FANCA: variants seen among roughly 807,000 people sequenced by gnomAD.
The protein encoded by FANCA is Fanconi anemia group A protein.
Under a neutral mutation model 194.3 loss-of-function variants are expected in FANCA, and 236 were observed. That is an observed-to-expected ratio of 1.21 (90% confidence interval 1.09 to 1.35). FANCA has a LOEUF of 1.35. Ranked by LOEUF, FANCA falls within the 40% of genes most tolerant of loss-of-function variation. The probability of loss-of-function intolerance (pLI) is 0.00; values close to 1 mark genes in which losing one functional copy is unlikely to be tolerated. For synonymous variants in FANCA, 1,014 were observed against 715.8 expected, an observed-to-expected ratio of 1.42 and a Z score of -6.65; for missense variants, 2,628 against 1,813.9, an observed-to-expected ratio of 1.45 and a Z score of -8.15.
intron 3 of FANCA, among the ~76,000 whole-genome samples, chr16:89,813,644 G>A (rs1473287827): frequency 6.6e-6 from 1 of 152,240 alleles, no homozygotes; most frequent in South Asian, 2.1e-4. Context: ...ATGTTGGCCA[G>A]GCTCGTCTCG....
chr16:89,795,143 G>A lies in FANCA; in HGVS notation c.1006+763C>T, dbSNP rs563834541. 6.6e-5 allele frequency among the ~76,000 whole-genome samples: 10 copies of A among 151,426 alleles called. 1 individual carries two copies. The highest frequency in any genetic ancestry group is 6.6e-4 in the Admixed American group (10 of 15,158). On this transcript the variant is annotated intron_variant, in intron 11 of 42. Transcript: ENST00000389301. ...CTACTAAAAATACAAAAATTAGCCG[G>A]GCATGGTGGCACATGCCCGTAATCC...
At chr16:89,767,472 A>C (rs749494324) in intron 26 of FANCA, among the ~76,000 whole-genome samples, 20 of 152,070 alleles carry the variant, frequency 1.3e-4, no homozygotes, top group Non-Finnish European at 2.4e-4. Flanking sequence ...GGTTCAAGCG[A>C]GTCTCCTGCC....
In FANCA at chr16:89,765,029, C is replaced by T. The variant is rs372254398; in HGVS notation, c.2639G>A (p.Arg880Gln). The T allele has an allele frequency of 1.8e-5, 29 of 1,614,086 alleles. No homozygotes were observed. The highest frequency in any genetic ancestry group is 1.2e-4 in the Admixed American group (7 of 60,008). Residue 880 changes from arginine (R) to glutamine (Q), a missense_variant, in exon 28 of 43, where the codon CGA becomes CAA. Transcript: ENST00000389301. Reference protein sequence around the residue: ...FLMFRLFSEARQPLSEEDVAS... With the variant: ...FLMFRLFSEAQQPLSEEDVAS... ...TACGTCCTCCTCAGAAAGAGGCTGT[C>T]GGGCCTCTGAGAACAATCTGAACAT...
intron 10 of FANCA, chr16:89,798,344 C>T (rs1285930392): frequency 1.9e-6 from 2 of 1,032,724 alleles, no homozygotes. Flanking sequence ...AACTGATGCA[C>T]ATGTAAACAT....
intron 3 of FANCA, among the ~76,000 whole-genome samples, chr16:89,813,167 C>T (rs1168988606): frequency 6.6e-6 from 1 of 151,864 alleles, no homozygotes; most frequent in African/African-American, 2.4e-5. Context: ...GCAATCCCAA[C>T]ACCTTGGGTG....
intron 11 of FANCA, 35 bp from the exon 12 acceptor site, chr16:89,792,582 A>G (rs762768611): frequency 6.3e-6 from 10 of 1,594,506 alleles, no homozygotes; most frequent in Non-Finnish European, 5.1e-6. Flanking sequence ...ACTTCAAGTC[A>G]GAGATCAAAA....
rs1001002219 is a variant in FANCA at position 89,737,603 on chromosome 16, C to T, written c.*998G>A. 7.4e-6 allele frequency: 7 copies of T among 950,964 alleles called. No homozygotes were observed. Among genetic ancestry groups the T allele is most frequent in the African/African-American group, 1.7e-5 (1 of 60,206 alleles). The allele number at this position is 950,964 out of a possible 1,614,324, so 58.9% of individuals were successfully genotyped here. On this transcript the variant is annotated 3_prime_UTR_variant, in exon 43 of 43. Transcript: ENST00000389301. ...AAAAACCATCCTGAAATGCACACAGCTGATGAAGCCACGTGACAGTGTATA... is the reference window on the plus strand; with the variant it reads ...AAAAACCATCCTGAAATGCACACAGTTGATGAAGCCACGTGACAGTGTATA...
At chr16:89,791,252 C>T (rs1000896230) in intron 14 of FANCA, 151 bp downstream of exon 14, 19 of 1,023,706 alleles carry the variant, frequency 1.9e-5, no homozygotes, top group South Asian at 5.5e-5. Flanking sequence ...CCTCGGCACA[C>T]GCAGAGGAAG....
intron 11 of FANCA, among the ~76,000 whole-genome samples, chr16:89,795,479 A>C (rs868016817): frequency 2.6e-5 from 4 of 151,974 alleles, no homozygotes; most frequent in African/African-American, 9.7e-5. Flanking sequence ...TCTACTAAAA[A>C]TACAAAAAAT....
At chr16:89,762,105 C>A in intron 28 of FANCA, 83 bp from the exon 29 acceptor site, 2 of 1,074,458 alleles carry the variant, frequency 1.9e-6, no homozygotes, top group South Asian at 1.2e-5. Flanking sequence ...TTTGTCATTT[C>A]ATCTCATACG....
chr16:89,804,364 C>T (rs1015976012), intron 7 of FANCA, among the ~76,000 whole-genome samples: 2 of 152,174 alleles, frequency 1.3e-5, no homozygotes, highest in Non-Finnish European at 2.9e-5. Context: ...ATCACTCAAA[C>T]ACAGCAGGCA....
intron 22 of FANCA, 75 bp from the exon 23 acceptor site, chr16:89,771,889 G>A (rs750302993): frequency 2.9e-5 from 45 of 1,552,658 alleles, no homozygotes; most frequent in South Asian, 2.4e-4. Flanking sequence ...AGAGAGCTCC[G>A]CCTCCCGTCA....
intron 2 of FANCA, 100 bp from the exon 3 acceptor site, chr16:89,814,713 T>A (rs1411934748): frequency 2.4e-6 from 2 of 820,140 alleles, no homozygotes; most frequent in African/African-American, 3.4e-5. Context: ...GAGGCCGAGA[T>A]GGGCAGATCA....
intron 39 of FANCA, 111 bp from the exon 40 acceptor site, chr16:89,739,664 A>T: frequency 6.6e-7 from 1 of 1,507,530 alleles, no homozygotes. Flanking sequence ...GGCTGTGGGG[A>T]TAGTGTGGGG....
chr16:89,740,782 T>C (rs1598057660), intron 38 of FANCA, 22 bp downstream of exon 38: 1 of 1,611,226 alleles, frequency 6.2e-7, no homozygotes, highest in Non-Finnish European at 8.5e-7. Flanking sequence ...GAGGACACCT[T>C]GGCTGGTAAG....
chr16:89,763,282 A>G (rs1891436286), intron 28 of FANCA, among the ~76,000 whole-genome samples: 1 of 152,110 alleles, frequency 6.6e-6, no homozygotes, highest in African/African-American at 2.4e-5. Context: ...ATAATAAAAT[A>G]ATTTCACAAA....
chr16:89,770,172 A>G lies in FANCA; in HGVS notation c.2310T>C (p.Arg770=). 6.3e-7 allele frequency: 1 copy of G among 1,589,440 alleles called. No individual in the cohort carries two copies. Among genetic ancestry groups the G allele is most frequent in the South Asian group, 1.1e-5 (1 of 87,420 alleles). Residue 770 remains arginine (R), a synonymous_variant, in exon 25 of 43, where the codon CGT becomes CGC. Transcript: ENST00000389301. The stretch of plus-strand genomic sequence containing the variant: ...CCATGAAGGAGAGCCTCACCTGGTG[A>G]CGGAGCAGCTGGCAGAGCCGGGTGA... ...AVLTRLCQLL[R]HQGPSLSAPH...
At chr16:89,812,242 G>C (rs981345130) in intron 3 of FANCA, among the ~76,000 whole-genome samples, 1 of 151,880 alleles carries the variant, frequency 6.6e-6, no homozygotes, top group Non-Finnish European at 1.5e-5. Context: ...AGGAGGCTGA[G>C]GCGAAGAATG....
At position 89,803,281 on chromosome 16, in the gene FANCA, A is replaced by G. The variant is rs1187101098; in HGVS notation, c.770T>C (p.Val257Ala). ...TACCTGCGGCATTTTTTCAGGCTCC[A>G]CAGTTCTTCTCAGATCTGAGTTTTT... ...FQKNSDLRRT[V>A]EPEKMPQVTV... is the part of the protein sequence containing the mutation. Residue 257 changes from valine (V) to alanine (A), a missense_variant, in exon 8 of 43, where the codon GTG becomes GCG. By Grantham distance (64) the Val-to-Ala change is moderately conservative (BLOSUM62 0). Coordinates refer to ENST00000389301, the MANE Select transcript of FANCA (RefSeq NM_000135.4). The G allele has an allele frequency of 6.2e-7, 1 of 1,614,218 alleles. No homozygotes were observed. The highest frequency in any genetic ancestry group is 1.7e-5 in the Admixed American group (1 of 60,020).
Sources: gnomAD v4.1 joint callset for allele counts (sites outside exome capture counted in the v4.1 genomes callset) on GRCh38, gnomAD v4.1.1 for gene constraint, MANE v1.5 for transcripts, NCBI Gene and HGNC (gene_info 2026-07-23, HGNC 2026-07-21) for gene names.